The following CUL3 variants were observed in gnomAD, a reference collection of about 807,000 sequenced individuals.
CUL3 encodes cullin-3.
A neutral mutation model predicts 89.1 loss-of-function variants in CUL3; 19 were observed. That is an observed-to-expected ratio of 0.21 (90% CI 0.15 to 0.31). The LOEUF (loss-of-function observed/expected upper bound fraction) is 0.31. Ranked by LOEUF, CUL3 falls within the 10% of genes least tolerant of loss-of-function variation. The probability of loss-of-function intolerance (pLI) is 1.00; values close to 1 mark genes in which losing one functional copy is unlikely to be tolerated. For missense variants in CUL3, 469 were observed against 942.3 expected (o/e 0.50, Z 6.58); for synonymous variants, 351 against 308.4 (o/e 1.14, Z -1.45).
At chr2:224,556,876 TA>T (rs1694728002) in intron 2 of CUL3, among the ~76,000 whole-genome samples, 1 of 152,056 alleles carries the variant, frequency 6.6e-6, no homozygotes, top group Non-Finnish European at 1.5e-5. Context: ...TAGCAAAATG[TA>T]AACAACTGGT....
intron 2 of CUL3, among the ~76,000 whole-genome samples, chr2:224,537,644 T>C (rs1251597948): frequency 6.6e-6 from 1 of 152,090 alleles, no homozygotes; most frequent in East Asian, 1.9e-4. Flanking sequence ...TACTGAAGAG[T>C]AGCAATTAAA....
chr2:224,559,687 C>T (rs1694843037), intron 1 of CUL3, among the ~76,000 whole-genome samples: 1 of 152,096 alleles, frequency 6.6e-6, no homozygotes, highest in Non-Finnish European at 1.5e-5. Flanking sequence ...GAGAAGGCCA[C>T]CAGTGACTTC....
At chr2:224,494,988 C>A (rs933851050) in intron 13 of CUL3, 9 of 152,000 alleles carry the variant, frequency 5.9e-5, no homozygotes, top group Non-Finnish European at 8.8e-5. Context: ...GCACATATAT[C>A]TGACGAAGGA....
intron 2 of CUL3, among the ~76,000 whole-genome samples, chr2:224,536,879 T>A (rs1693919120): frequency 1.3e-5 from 2 of 152,258 alleles, no homozygotes. Flanking sequence ...AGTCGTCGTG[T>A]GTTTGTCTCC....
chr2:224,556,411 T>G (rs1694709292), intron 2 of CUL3: 1 of 152,178 alleles, frequency 6.6e-6, no homozygotes, highest in African/African-American at 2.4e-5. Flanking sequence ...ACATCACTTA[T>G]GTATTATTCC....
intron 1 of CUL3, among the ~76,000 whole-genome samples, chr2:224,560,074 C>A (rs748926694): frequency 1.4e-4 from 21 of 152,040 alleles, no homozygotes; most frequent in Admixed American, 2.6e-4. Flanking sequence ...CAGAGCAAGA[C>A]CCTGTCTCAA....
intron 3 of CUL3, among the ~76,000 whole-genome samples, chr2:224,534,830 TAAAATAAAAATA>T (rs1245445086): frequency 4.7e-5 from 7 of 150,282 alleles, no homozygotes; most frequent in Non-Finnish European, 7.4e-5. Flanking sequence ...AAAAGAAAAA[TAAAATAAAAATA>T]AAAATAAAAA....
At chr2:224,541,435 T>C (rs1038811265) in intron 2 of CUL3, among the ~76,000 whole-genome samples, 2 of 152,176 alleles carry the variant, frequency 1.3e-5, no homozygotes, top group Non-Finnish European at 2.9e-5. Context: ...ATGCTGACAG[T>C]ATCAACTGCT....
At chr2:224,486,079 G>GC (rs1691710016) in intron 13 of CUL3, among the ~76,000 whole-genome samples, 1 of 152,202 alleles carries the variant, frequency 6.6e-6, no homozygotes, top group Non-Finnish European at 1.5e-5. Flanking sequence ...TCAACGAAAA[G>GC]AATGCCCATG....
chr2:224,479,256 T>C (rs1443290207), intron 14 of CUL3: 2 of 152,156 alleles, frequency 1.3e-5, no homozygotes, highest in Non-Finnish European at 2.9e-5. Flanking sequence ...AAGATCATTC[T>C]GGTGTGCGTA....
chr2:224,507,110 A>G (rs947528275), intron 6 of CUL3, 107 bp from the exon 7 acceptor site: 2 of 940,962 alleles, frequency 2.1e-6, no homozygotes, highest in Non-Finnish European at 3.0e-6. Context: ...CATTACCCCC[A>G]TTTGCTGACC....
At chr2:224,522,827 C>CAAA (rs777324032) in intron 3 of CUL3, among the ~76,000 whole-genome samples, 2 of 147,502 alleles carry the variant, frequency 1.4e-5, no homozygotes, top group African/African-American at 2.5e-5. Flanking sequence ...GACACCGTCT[C>CAAA]AAAAAAACAA....
chr2:224,555,549 T>C (rs780724014), intron 2 of CUL3, among the ~76,000 whole-genome samples: 4 of 152,176 alleles, frequency 2.6e-5, no homozygotes, highest in Admixed American at 6.5e-5. Context: ...TTAGTCCAAA[T>C]TACTTAGTCT....
intron 3 of CUL3, among the ~76,000 whole-genome samples, chr2:224,520,538 C>T (rs572120962): frequency 7.9e-5 from 12 of 152,304 alleles, no homozygotes; most frequent in African/African-American, 2.4e-4. Flanking sequence ...TCCCTGCCAA[C>T]AACTATAAAG....
chr2:224,584,470 G>A (rs1695524338), intron 1 of CUL3, among the ~76,000 whole-genome samples: 2 of 152,150 alleles, frequency 1.3e-5, no homozygotes, highest in Admixed American at 6.5e-5. Flanking sequence ...TTCCTGGGGA[G>A]GGGGGCAGAG....
At chr2:224,484,827 A>G (rs547952547) in intron 13 of CUL3, among the ~76,000 whole-genome samples, 31 of 152,296 alleles carry the variant, frequency 2.0e-4, no homozygotes, top group African/African-American at 6.7e-4. Context: ...AGAAACGACA[A>G]ATTTGAGATC....
intron 1 of CUL3, among the ~76,000 whole-genome samples, chr2:224,581,696 G>T (rs13410021): frequency 0.26 from 38,916 of 151,130 alleles, 5,669 homozygotes; most frequent in African/African-American, 0.4. Context: ...AGAGACAGGG[G>T]TTTGCATGTT....
intron 13 of CUL3, among the ~76,000 whole-genome samples, chr2:224,483,182 T>A (rs994670758): frequency 7.9e-5 from 12 of 152,210 alleles, no homozygotes; most frequent in Admixed American, 2.6e-4. Context: ...ATTATTAGAA[T>A]GAAGATGTTT....
intron 1 of CUL3, among the ~76,000 whole-genome samples, chr2:224,571,160 TC>T (rs749839389): frequency 7.8e-4 from 119 of 152,260 alleles, no homozygotes; most frequent in Non-Finnish European, 1.1e-3. Flanking sequence ...GTTACAGGAC[TC>T]CCTTAAACAC....
Sources: allele counts gnomAD v4.1 joint callset (sites outside exome capture counted in the v4.1 genomes callset), GRCh38; gene constraint gnomAD v4.1.1; transcripts MANE v1.5; gene names NCBI Gene and HGNC (gene_info 2026-07-23, HGNC 2026-07-21).